TRPC7: variants seen among roughly 807,000 people sequenced by gnomAD.
TRPC7 encodes the protein transient receptor potential cation channel subfamily C member 7, also known as short transient receptor potential channel 7.
A neutral mutation model predicts 90.1 loss-of-function variants in TRPC7; 42 were observed. That is an observed-to-expected ratio of 0.47 (90% CI 0.36 to 0.60). The LOEUF (loss-of-function observed/expected upper bound fraction) is 0.60, where lower values mean the gene tolerates loss of function less well. TRPC7 is among the 20% of genes least tolerant of loss of function. TRPC7 has a pLI of 0.00. For missense variants in TRPC7, 955 were observed against 1,112.3 expected (o/e 0.86, Z 2.01); for synonymous variants, 451 against 436.3 (o/e 1.03, Z -0.42).
At chr5:136,217,341 T>C (rs77325860) in intron 10 of TRPC7, among the ~76,000 whole-genome samples, 2,369 of 152,338 alleles carry the variant, frequency 0.016, 52 homozygotes, top group African/African-American at 0.047. Flanking sequence ...GTGAACTGGA[T>C]GCAAAGAGCT....
intron 8 of TRPC7, among the ~76,000 whole-genome samples, chr5:136,227,782 G>A (rs1755677403): frequency 1.3e-5 from 2 of 152,196 alleles, no homozygotes; most frequent in Admixed American, 1.3e-4. Flanking sequence ...GGCAGGTGAT[G>A]GACCACTCTG....
chr5:136,254,364 T>C (rs1203088910), intron 5 of TRPC7, among the ~76,000 whole-genome samples: 1 of 152,196 alleles, frequency 6.6e-6, no homozygotes, highest in African/African-American at 2.4e-5. Context: ...GACTCTCTTG[T>C]TAGGGACTAC....
intron 3 of TRPC7, among the ~76,000 whole-genome samples, chr5:136,278,345 T>A (rs1008269599): frequency 2.0e-5 from 3 of 152,218 alleles, no homozygotes; most frequent in African/African-American, 7.2e-5. Flanking sequence ...GCTTTCAAAT[T>A]GCAAATCTGG....
chr5:136,223,862 G>A (rs1311987656), intron 10 of TRPC7, among the ~76,000 whole-genome samples: 1 of 152,124 alleles, frequency 6.6e-6, no homozygotes, highest in East Asian at 1.9e-4. Context: ...ACTGACCAAA[G>A]GCTTTGGTCT....
intron 2 of TRPC7, among the ~76,000 whole-genome samples, chr5:136,351,273 C>T (rs778026006): frequency 9.9e-5 from 15 of 152,170 alleles, no homozygotes; most frequent in Non-Finnish European, 2.2e-4. Context: ...CACAGGCACA[C>T]ATCACACACA....
intron 2 of TRPC7, among the ~76,000 whole-genome samples, chr5:136,326,763 C>T (rs1028288315): frequency 6.6e-6 from 1 of 151,986 alleles, no homozygotes; most frequent in Admixed American, 6.6e-5. Flanking sequence ...GTGTTTTTGC[C>T]AAAGAGTGCA....
rs892983121 is a variant in TRPC7, at chr5:136,301,948, C to T, written c.963+13649G>A. On this transcript the variant is annotated intron_variant, in intron 3 of 11. Transcript: ENST00000513104. ...TACGACCTCAGGTCCTCACACCGAC[C>T]AGCCCAAGAAACATCTCACCAATTT... Among the ~76,000 whole-genome samples, 116 of 152,338 alleles carry T rather than the reference C, an allele frequency of 7.6e-4. 1 individual carries two copies. The highest frequency in any genetic ancestry group is 5.9e-5 in the Non-Finnish European group (4 of 68,030).
At chr5:136,342,989 G>A (rs189651805) in intron 2 of TRPC7, among the ~76,000 whole-genome samples, 1 of 152,284 alleles carries the variant, frequency 6.6e-6, no homozygotes, top group African/African-American at 2.4e-5. Context: ...GAGGTGGATA[G>A]AGATTAGTGG....
chr5:136,257,768 C>T (rs894702375), intron 5 of TRPC7, among the ~76,000 whole-genome samples: 14 of 152,154 alleles, frequency 9.2e-5, no homozygotes, highest in African/African-American at 1.7e-4. Flanking sequence ...ACTGTGCAAC[C>T]GGTATTTTTT....
At chr5:136,231,324 G>T in intron 8 of TRPC7, 30 bp downstream of exon 8, 1 of 1,551,322 alleles carries the variant, frequency 6.4e-7, no homozygotes. Flanking sequence ...AGATGAAGGA[G>T]AGCAAGCATT....
Position 136,300,160 on chromosome 5 carries a change from C to G in TRPC7, c.963+15437G>C, listed in dbSNP as rs191806539. ...AGTTTTCTGTCCTGTCATGACAACTCTTACTTTGAGGATCTGAAATATCTT... is the reference window on the plus strand; with the variant it reads ...AGTTTTCTGTCCTGTCATGACAACTGTTACTTTGAGGATCTGAAATATCTT... On this transcript the variant is annotated intron_variant, in intron 3 of 11. Transcript: ENST00000513104. 3.3e-5 allele frequency among the ~76,000 whole-genome samples: 5 copies of G among 152,326 alleles called. No homozygotes were observed. In the East Asian group the frequency reaches 9.6e-4, roughly 29 times the overall value.
intron 4 of TRPC7, among the ~76,000 whole-genome samples, chr5:136,270,794 C>T (rs1757185577): frequency 6.6e-6 from 1 of 152,192 alleles, no homozygotes. Flanking sequence ...CTCTTTAATC[C>T]TATCTCAGCA....
chr5:136,217,633 G>A (rs1275779548), intron 10 of TRPC7, among the ~76,000 whole-genome samples: 9 of 152,184 alleles, frequency 5.9e-5, no homozygotes, highest in African/African-American at 2.2e-4. Flanking sequence ...AGAAGCCTGG[G>A]TCTTATCCTA....
intron 3 of TRPC7, among the ~76,000 whole-genome samples, chr5:136,291,225 T>G (rs1757934791): frequency 6.6e-6 from 1 of 152,196 alleles, no homozygotes; most frequent in South Asian, 2.1e-4. Flanking sequence ...AGGAAGAAAC[T>G]GCATCAACTA....
chr5:136,323,712 C>T (rs1342583631), intron 2 of TRPC7, among the ~76,000 whole-genome samples: 18 of 152,270 alleles, frequency 1.2e-4, no homozygotes, highest in African/African-American at 4.3e-4. Context: ...CACTAATTCC[C>T]ACTGTCTTTA....
intron 10 of TRPC7, among the ~76,000 whole-genome samples, chr5:136,219,638 C>T (rs1755386948): frequency 6.6e-6 from 1 of 152,148 alleles, no homozygotes; most frequent in Admixed American, 6.5e-5. Context: ...TGTTGATGTA[C>T]ACCTGTAGTC....
chr5:136,214,583 T>G (rs1755200164), intron 11 of TRPC7, among the ~76,000 whole-genome samples: 1 of 152,208 alleles, frequency 6.6e-6, no homozygotes, highest in African/African-American at 2.4e-5. Context: ...CCTTCTATGA[T>G]CAGTGATATT....
chr5:136,213,329 G>T lies in TRPC7; in HGVS notation c.*106C>A. The stretch of plus-strand genomic sequence containing the variant: ...GACTGAGCCAGGAGATCCCCTTCGT[G>T]TCCTAGAGGAGTGGGCTGGGGACCC... On this transcript the variant is annotated 3_prime_UTR_variant, in exon 12 of 12. Coordinates refer to ENST00000513104, the MANE Select transcript of TRPC7 (RefSeq NM_020389.3). The T allele has an allele frequency of 8.5e-7, 1 of 1,172,538 alleles. No homozygotes were observed. Among genetic ancestry groups the T allele is most frequent in the Non-Finnish European group, 1.2e-6 (1 of 826,584 alleles). The allele number at this position is 1,172,538 out of a possible 1,614,324, so 72.6% of individuals were successfully genotyped here.
intron 2 of TRPC7, among the ~76,000 whole-genome samples, chr5:136,336,495 G>A (rs753041638): frequency 6.6e-6 from 1 of 151,820 alleles, no homozygotes; most frequent in Non-Finnish European, 1.5e-5. Context: ...GAAAGGGCTA[G>A]GGAAAGGAAG....
Sources: gnomAD v4.1 joint callset for allele counts (sites outside exome capture counted in the v4.1 genomes callset) on GRCh38, gnomAD v4.1.1 for gene constraint, MANE v1.5 for transcripts, NCBI Gene and HGNC (gene_info 2026-07-23, HGNC 2026-07-21) for gene names.